ANTXR1: variants seen among roughly 807,000 people sequenced by gnomAD.
The protein encoded by ANTXR1 is anthrax toxin receptor 1.
ANTXR1 carries 19 observed loss-of-function variants against 78.1 expected under a neutral mutation model. The observed-to-expected ratio is 0.24, with a 90% CI of 0.17 to 0.36. ANTXR1 has a LOEUF of 0.36. Among genes scored for constraint, ANTXR1 ranks in the 10% least tolerant of loss-of-function variants. The pLI, the probability that ANTXR1 is intolerant of heterozygous loss-of-function variation, is 1.00. For missense variants in ANTXR1, 518 were observed against 718.6 expected (o/e 0.72, Z 3.19); for synonymous variants, 273 against 260.5 (o/e 1.05, Z -0.46).
intron 1 of ANTXR1, among the ~76,000 whole-genome samples, chr2:69,027,917 C>A (rs1224103081): frequency 6.7e-6 from 1 of 150,264 alleles, no homozygotes; most frequent in Admixed American, 6.6e-5. Flanking sequence ...TGAGAAGGGA[C>A]TTAGAACGGT....
At chr2:69,184,041 C>T (rs1012646056) in intron 16 of ANTXR1, among the ~76,000 whole-genome samples, 1 of 138,138 alleles carries the variant, frequency 7.2e-6, no homozygotes, top group Non-Finnish European at 1.5e-5. Flanking sequence ...GCTCCCATCA[C>T]CATCCATACA....
At chr2:69,170,336 TAGG>T in intron 14 of ANTXR1, 47 bp downstream of exon 14, 1 of 1,609,964 alleles carries the variant, frequency 6.2e-7, no homozygotes, top group Non-Finnish European at 8.5e-7. Flanking sequence ...GGTGGCAGAG[TAGG>T]GTGGAGAGCT....
intron 12 of ANTXR1, among the ~76,000 whole-genome samples, chr2:69,135,961 A>G (rs958462556): frequency 2.0e-5 from 3 of 152,214 alleles, no homozygotes; most frequent in African/African-American, 7.2e-5. Context: ...TTATGCAACT[A>G]TAAGACTAAT....
intron 3 of ANTXR1, among the ~76,000 whole-genome samples, chr2:69,058,258 C>T (rs1385984435): frequency 1.3e-5 from 2 of 152,148 alleles, no homozygotes; most frequent in Non-Finnish European, 2.9e-5. Flanking sequence ...GAAGAAGATG[C>T]CATCTAGGAC....
rs576556863 is a variant in ANTXR1 at position 69,016,592 on chromosome 2, C to T, written c.152+2941C>T. On this transcript the variant is annotated intron_variant, in intron 1 of 17. Transcript: ENST00000303714. ...GGAGAAATACATAATTCTTAACATA[C>T]TATACACTTTTAGATGGAAATGCAA... 2.6e-5 allele frequency among the ~76,000 whole-genome samples: 4 copies of T among 152,256 alleles called. No homozygotes were observed. The East Asian group carries it at 5.8e-4, about 22-fold the overall frequency.
chr2:69,097,320 A>T (rs1671461286), intron 9 of ANTXR1, among the ~76,000 whole-genome samples: 2 of 152,232 alleles, frequency 1.3e-5, no homozygotes, highest in Non-Finnish European at 2.9e-5. Context: ...AGGAAGTTAT[A>T]ATTAGCTCCT....
chr2:69,166,343 AAC>A (rs1673827980), intron 13 of ANTXR1, among the ~76,000 whole-genome samples: 1 of 152,222 alleles, frequency 6.6e-6, no homozygotes, highest in Non-Finnish European at 1.5e-5. Context: ...TGCATCTCCC[AAC>A]ACACAGCAGT....
intron 8 of ANTXR1, among the ~76,000 whole-genome samples, chr2:69,089,338 T>C (rs1671154086): frequency 6.6e-6 from 1 of 152,248 alleles, no homozygotes; most frequent in South Asian, 2.1e-4. Flanking sequence ...TCTTTCGCAA[T>C]GCTTCTCTAT....
chr2:69,018,037 G>T (rs1671074002), intron 1 of ANTXR1, among the ~76,000 whole-genome samples: 1 of 152,166 alleles, frequency 6.6e-6, no homozygotes, highest in Non-Finnish European at 1.5e-5. Flanking sequence ...TGTTATGTGT[G>T]CCCTGAAGAC....
intron 8 of ANTXR1, among the ~76,000 whole-genome samples, chr2:69,085,377 G>A (rs1227126225): frequency 6.6e-6 from 1 of 152,092 alleles, no homozygotes; most frequent in African/African-American, 2.4e-5. Flanking sequence ...AAAATGAGGT[G>A]TTGAAATTGG....
At position 69,193,323 on chromosome 2, in the gene ANTXR1, G is replaced by C; in HGVS notation, c.1354-12G>C. On this transcript the variant is annotated splice_polypyrimidine_tract_variant and intron_variant, in intron 16 of 17. Transcript: ENST00000303714. Reference sequence around the variant, plus strand: ...TTTCATATGTAATCTTGGTGCATTTGTTTTATTTCAGGGAAAACTCGATGC... The same window carrying C: ...TTTCATATGTAATCTTGGTGCATTTCTTTTATTTCAGGGAAAACTCGATGC... 2 of 1,613,662 alleles carry C rather than the reference G, an allele frequency of 1.2e-6. No homozygotes were observed. The highest frequency in any genetic ancestry group is 1.3e-5 in the African/African-American group (1 of 75,006).
intron 13 of ANTXR1, among the ~76,000 whole-genome samples, chr2:69,154,047 T>C (rs1311638996): frequency 6.6e-6 from 1 of 152,242 alleles, no homozygotes; most frequent in Non-Finnish European, 1.5e-5. Context: ...AAAAGTATTT[T>C]ACTGTAATAG....
In ANTXR1 at chr2:69,162,900, G is replaced by A. The variant is rs555961603; in HGVS notation, c.1048-7348G>A. Among the ~76,000 whole-genome samples, 238 of 152,034 alleles carry A rather than the reference G, an allele frequency of 1.6e-3. 1 individual carries two copies. The highest frequency in any genetic ancestry group is 1.6e-3 in the Non-Finnish European group (110 of 67,968). On this transcript the variant is annotated intron_variant, in intron 13 of 17. Coordinates refer to ENST00000303714, the MANE Select transcript of ANTXR1 (RefSeq NM_032208.3). The stretch of plus-strand genomic sequence containing the variant: ...CAGAGCAGAACATTCAAAACTGTGC[G>A]ATCTTACAAAATAATATATTAGGTT...
rs571405998 is a variant in ANTXR1 at position 69,242,946 on chromosome 2, G to A, written c.1435-2279G>A. On this transcript the variant is annotated intron_variant, in intron 17 of 17. Transcript: ENST00000303714. Reference sequence around the variant, plus strand: ...TGCCTGAAAGGCTGGACATAAACCCGGGAGCTCTGGGCAGTGCAGCGAGGA... The same window carrying A: ...TGCCTGAAAGGCTGGACATAAACCCAGGAGCTCTGGGCAGTGCAGCGAGGA... Among the ~76,000 whole-genome samples, 19 of 152,336 alleles carry A rather than the reference G, an allele frequency of 1.2e-4. No homozygotes were observed. In the South Asian group the frequency reaches 3.7e-3, roughly 30 times the overall value.
At chr2:69,024,520 G>A (rs1460448737) in intron 1 of ANTXR1, among the ~76,000 whole-genome samples, 1 of 152,152 alleles carries the variant, frequency 6.6e-6, no homozygotes, top group African/African-American at 2.4e-5. Flanking sequence ...AACAGTCAGA[G>A]AACCAGCAAA....
intron 1 of ANTXR1, among the ~76,000 whole-genome samples, chr2:69,028,604 A>T (rs2104020460): frequency 6.6e-6 from 1 of 152,332 alleles, no homozygotes; most frequent in East Asian, 1.9e-4. Context: ...AAGTTTAAAA[A>T]TATAAAATAT....
chr2:69,070,542 T>A, intron 3 of ANTXR1, 105 bp from the exon 4 acceptor site: 1 of 1,031,508 alleles, frequency 9.7e-7, no homozygotes, highest in Admixed American at 1.7e-5. Flanking sequence ...TTACTGGGAC[T>A]AGACAGCAGT....
At chr2:69,228,124 T>A (rs1024241154) in intron 17 of ANTXR1, among the ~76,000 whole-genome samples, 3 of 152,166 alleles carry the variant, frequency 2.0e-5, no homozygotes, top group African/African-American at 7.2e-5. Context: ...AGCTTGTGGA[T>A]CTGATTAGAG....
At chr2:69,212,969 T>A (rs1675083628) in intron 17 of ANTXR1, among the ~76,000 whole-genome samples, 1 of 145,366 alleles carries the variant, frequency 6.9e-6, no homozygotes, top group South Asian at 2.3e-4. Context: ...ACCTTTTTTT[T>A]TTTTTTTTTT....
Sources: allele counts gnomAD v4.1 joint callset (sites outside exome capture counted in the v4.1 genomes callset), GRCh38; gene constraint gnomAD v4.1.1; transcripts MANE v1.5; gene names NCBI Gene and HGNC (gene_info 2026-07-23, HGNC 2026-07-21).